Variants in NDUFAF5 observed in about 807,000 individuals in gnomAD.
NDUFAF5 encodes arginine-hydroxylase NDUFAF5, mitochondrial.
In NDUFAF5, 34 loss-of-function variants were observed where a neutral mutation model predicts 48.9. The ratio of observed to expected loss-of-function variants is 0.70; its 90% CI spans 0.53 to 0.93. The LOEUF is 0.93. Ranked by LOEUF, NDUFAF5 falls within the 40% of genes least tolerant of loss-of-function variation. The pLI is 0.00. For missense variants in NDUFAF5, 428 were observed against 427.5 expected (o/e 1.00, Z -0.01); for synonymous variants, 153 against 150.6 (o/e 1.02, Z -0.12).
chr20:13,788,000 G>T (rs1981499862), intron 2 of NDUFAF5, among the ~76,000 whole-genome samples: 1 of 152,026 alleles, frequency 6.6e-6, no homozygotes, highest in African/African-American at 2.4e-5. Context: ...TTCCAGCTCA[G>T]GATTCAGACT....
chr20:13,785,427 C>G, intron 1 of NDUFAF5, 137 bp downstream of exon 1: 1 of 694,666 alleles, frequency 1.4e-6, no homozygotes. Context: ...CTTTCGGCCT[C>G]TACTGTAATC....
chr20:13,801,742 A>T, intron 7 of NDUFAF5, 59 bp downstream of exon 7: 1 of 1,433,950 alleles, frequency 7.0e-7, no homozygotes, highest in Non-Finnish European at 9.8e-7. Context: ...ACTTCTTATC[A>T]TTTTAAAGAT....
rs78733063 is a variant in NDUFAF5, at chr20:13,799,709, A to AAAG, written c.519+1211_519+1212insGAA. The stretch of plus-strand genomic sequence containing the variant: ...GTGAGACTCTGTCTCAAAAAAAAAA[A>AAAG]AAAGAAAGAAACTGATGCCTGGAGC... On this transcript the variant is annotated intron_variant, in intron 6 of 10. Coordinates refer to ENST00000378106, the MANE Select transcript of NDUFAF5 (RefSeq NM_024120.5). Among the ~76,000 whole-genome samples the AAAG allele has an allele frequency of 6.3e-4, 94 of 148,584 alleles. 3 individuals are homozygous for AAAG. The highest frequency in any genetic ancestry group is 6.0e-4 in the East Asian group (3 of 5,012).
intron 8 of NDUFAF5, among the ~76,000 whole-genome samples, chr20:13,810,483 G>T (rs1169572907): frequency 6.6e-6 from 1 of 152,168 alleles, no homozygotes; most frequent in Non-Finnish European, 1.5e-5. Flanking sequence ...GGAGTAAGTG[G>T]AAAGTGAGGA....
At chr20:13,798,528 T>A (rs1453652088) in intron 6 of NDUFAF5, 28 bp downstream of exon 6, 3 of 1,543,640 alleles carry the variant, frequency 1.9e-6, no homozygotes, top group African/African-American at 2.7e-5. Context: ...CATTCAACTA[T>A]CTTGTGTTAT....
Position 13,787,298 on chromosome 20 carries a change from G to A in NDUFAF5, c.223-14G>A, listed in dbSNP as rs772063025. The A allele has an allele frequency of 3.6e-5, 58 of 1,613,728 alleles. No individual in the cohort carries two copies. The South Asian group carries it at 3.8e-4, about 11-fold the overall frequency. On this transcript the variant is annotated splice_polypyrimidine_tract_variant and intron_variant, in intron 1 of 10. Transcript: ENST00000378106. ...TTACTTCCCCGTTAACCTACGCCTC[G>A]TGTAATCCTTCAGGTTGGAAGTCGG...
At chr20:13,806,222 G>T (rs1984983398) in intron 7 of NDUFAF5, among the ~76,000 whole-genome samples, 1 of 152,144 alleles carries the variant, frequency 6.6e-6, no homozygotes, top group Non-Finnish European at 1.5e-5. Context: ...AGAGAATGGT[G>T]CAAGGCCTGG....
intron 8 of NDUFAF5, 190 bp downstream of exon 8, chr20:13,809,092 G>A: frequency 1.7e-6 from 1 of 604,010 alleles, no homozygotes; most frequent in Non-Finnish European, 2.9e-6. Context: ...AAATGGAGGA[G>A]GCAGGCACCA....
intron 8 of NDUFAF5, chr20:13,816,146 A>G: frequency 2.4e-6 from 1 of 410,664 alleles, no homozygotes; most frequent in Non-Finnish European, 4.6e-6. Flanking sequence ...AATTGCTGAC[A>G]ACTCACCTGG....
At chr20:13,814,511 TTAAGG>T (rs1178098232) in intron 8 of NDUFAF5, 1 of 1,273,698 alleles carries the variant, frequency 7.9e-7, no homozygotes, top group Non-Finnish European at 1.0e-6. Context: ...CACAGTGGTC[TTAAGG>T]TAAGTTCAGT....
intron 8 of NDUFAF5, among the ~76,000 whole-genome samples, chr20:13,813,475 T>G (rs756988672): frequency 6.6e-6 from 1 of 152,208 alleles, no homozygotes; most frequent in Admixed American, 6.5e-5. Flanking sequence ...ACTTAGCGTT[T>G]ATTGAGCATC....
At chr20:13,789,564 C>T (rs1981914705) in intron 3 of NDUFAF5, among the ~76,000 whole-genome samples, 1 of 152,056 alleles carries the variant, frequency 6.6e-6, no homozygotes, top group Admixed American at 6.6e-5. Flanking sequence ...CAAGCTTTGC[C>T]TTCCAGGTTC....
In NDUFAF5 at chr20:13,818,401, A is replaced by G. The variant is rs1400076702; in HGVS notation, c.*1191A>G. ...TTGGTAGCTTTTTTGTTTTAACACA[A>G]AGTAAACCTGTGAAGTAGAATTTGG... On this transcript the variant is annotated 3_prime_UTR_variant, in exon 11 of 11. Coordinates refer to ENST00000378106, the MANE Select transcript of NDUFAF5 (RefSeq NM_024120.5). 1 of 347,124 alleles carries G rather than the reference A, an allele frequency of 2.9e-6. No homozygotes were observed. Among genetic ancestry groups the G allele is most frequent in the Admixed American group, 4.0e-5 (1 of 25,282 alleles). 21.5% of individuals were successfully genotyped at this position (347,124 alleles called of 1,614,324 possible).
chr20:13,798,278 G>T (rs1983554593), intron 5 of NDUFAF5, among the ~76,000 whole-genome samples, 183 bp from the exon 6 acceptor site: 1 of 152,146 alleles, frequency 6.6e-6, no homozygotes, highest in Admixed American at 6.5e-5. Context: ...GTGACACAAG[G>T]CAGGTTTTCC....
In NDUFAF5 at chr20:13,813,491, A is replaced by G. The variant is rs539710902; in HGVS notation, c.779-2972A>G. On this transcript the variant is annotated intron_variant, in intron 8 of 10. Transcript: ENST00000378106. ...CTTAGCGTTTATTGAGCATCTACCC[A>G]TGTGCCAACCACGGAGCCAGTGGTG... 7.9e-5 allele frequency among the ~76,000 whole-genome samples: 12 copies of G among 152,356 alleles called. No homozygotes were observed. In the South Asian group the frequency reaches 1.4e-3, roughly 18 times the overall value.
rs1345288299 is a variant in NDUFAF5 at position 13,801,737 on chromosome 20, T to G, written c.717+54T>G. The G allele has an allele frequency of 2.7e-6, 4 of 1,457,214 alleles. No individual in the cohort carries two copies. The African/African-American group carries it at 5.6e-5, about 20-fold the overall frequency. 90.3% of individuals were successfully genotyped at this position (1,457,214 alleles called of 1,614,324 possible). On this transcript the variant is annotated intron_variant, in intron 7 of 10. Coordinates refer to ENST00000378106, the MANE Select transcript of NDUFAF5 (RefSeq NM_024120.5). The stretch of plus-strand genomic sequence containing the variant: ...CTTACACAGTTCAAAAAAGAACTTC[T>G]TATCATTTTAAAGATAGAAAACTGT...
At chr20:13,796,131 G>T (rs1309664854) in intron 5 of NDUFAF5, among the ~76,000 whole-genome samples, 1 of 152,194 alleles carries the variant, frequency 6.6e-6, no homozygotes. Flanking sequence ...TCTTTCGATA[G>T]CTGTTTTTAG....
At chr20:13,800,437 C>A (rs1983950110) in intron 6 of NDUFAF5, among the ~76,000 whole-genome samples, 1 of 152,206 alleles carries the variant, frequency 6.6e-6, no homozygotes, top group South Asian at 2.1e-4. Flanking sequence ...ACTTCAGAAT[C>A]TACCTTTTCC....
intron 1 of NDUFAF5, among the ~76,000 whole-genome samples, chr20:13,786,074 C>T (rs759449286): frequency 6.6e-6 from 1 of 152,178 alleles, no homozygotes; most frequent in Non-Finnish European, 1.5e-5. Flanking sequence ...AGAAACCTTT[C>T]TCCCTGCCCA....
Sources: gnomAD v4.1 joint callset for allele counts (sites outside exome capture counted in the v4.1 genomes callset) on GRCh38, gnomAD v4.1.1 for gene constraint, MANE v1.5 for transcripts, NCBI Gene and HGNC (gene_info 2026-07-23, HGNC 2026-07-21) for gene names.